ZNF512B: variants seen among roughly 807,000 people sequenced by gnomAD.
The protein encoded by ZNF512B is zinc finger protein 512B.
Under a neutral mutation model 87.8 loss-of-function variants are expected in ZNF512B, and 22 were observed. That is an observed-to-expected ratio of 0.25 (90% CI 0.18 to 0.36). The LOEUF (loss-of-function observed/expected upper bound fraction) is 0.36. Among genes scored for constraint, ZNF512B ranks in the 10% least tolerant of loss-of-function variants. The pLI, the probability that ZNF512B is intolerant of heterozygous loss-of-function variation, is 1.00. For synonymous variants in ZNF512B, 524 were observed against 490.9 expected (o/e 1.07, Z -0.89); for missense variants, 1,060 against 1,231.6 (o/e 0.86, Z 2.09).
intron 1 of ZNF512B, among the ~76,000 whole-genome samples, chr20:63,968,222 A>T (rs1330908403): frequency 6.6e-6 from 1 of 151,752 alleles, no homozygotes; most frequent in Non-Finnish European, 1.5e-5. Context: ...CAACTTCCAG[A>T]CCCCCTTCCC....
rs2058846932 is a variant in ZNF512B, at chr20:63,961,207, A to T, written c.2427+102T>A. ...TTGGCCACTCTCCCAGGCACACCCCATGCAGGCCACTGACCTCTCTACCCC... is the reference window on the plus strand; with the variant it reads ...TTGGCCACTCTCCCAGGCACACCCCTTGCAGGCCACTGACCTCTCTACCCC... On this transcript the variant is annotated intron_variant, in intron 16 of 16. Coordinates refer to ENST00000369888, the MANE Select transcript of ZNF512B (RefSeq NM_020713.3). This position sits in a 1 kb window ranked among gnomAD's most constrained non-coding sequence, Gnocchi z 6.4. 7 of 1,039,440 alleles carry T rather than the reference A, an allele frequency of 6.7e-6. No individual in the cohort carries two copies. In the Admixed American group the frequency reaches 9.7e-5, roughly 14 times the overall value. 64.4% of individuals were successfully genotyped at this position (1,039,440 alleles called of 1,614,324 possible).
intron 1 of ZNF512B, 23 bp from the exon 2 acceptor site, chr20:63,967,975 G>T: frequency 6.3e-7 from 1 of 1,589,424 alleles, no homozygotes. Flanking sequence ...TAGACAATCT[G>T]TGAAGCCTGA....
In ZNF512B at chr20:63,959,863, G is replaced by C. The variant is rs1319386333; in HGVS notation, c.*25C>G. 5 of 1,531,344 alleles carry C rather than the reference G, an allele frequency of 3.3e-6. No individual in the cohort carries two copies. The highest frequency in any genetic ancestry group is 4.4e-6 in the Non-Finnish European group (5 of 1,148,670). 94.9% of individuals were successfully genotyped at this position (1,531,344 alleles called of 1,614,324 possible). On this transcript the variant is annotated 3_prime_UTR_variant, in exon 17 of 17. Transcript: ENST00000369888. Reference sequence around the variant, plus strand: ...ACAGAGGGCGGTGTGGCGGCTGCATGGGGGCCAGGCCCCACGCACCATGCT... The same window carrying C: ...ACAGAGGGCGGTGTGGCGGCTGCATCGGGGCCAGGCCCCACGCACCATGCT...
chr20:63,963,208 C>G lies in ZNF512B; in HGVS notation c.1855G>C (p.Gly619Arg), dbSNP rs776124714. Residue 619 changes from glycine (G) to arginine (R), a missense_variant, in exon 12 of 17, where the codon GGG becomes CGG. Gly to Arg is a moderately radical substitution (Grantham distance 125). Around this residue, in one of 9 missense-constraint regions of ZNF512B, gnomAD observed 165 missense variants for 173.0 expected, o/e 0.95. Coordinates refer to ENST00000369888, the MANE Select transcript of ZNF512B (RefSeq NM_020713.3). ...MGYQYHQRRC[G>R]KPPCEVDSPS... ...CTGTCCACCTCGCAGGGCGGCTTCC[C>G]GCAGCGCCGCTGGTGGTACTGGTAG... 2.6e-6 allele frequency: 4 copies of G among 1,546,812 alleles called. No individual in the cohort carries two copies. In the South Asian group the frequency reaches 4.7e-5, roughly 18 times the overall value.
rs2058930305 is a variant in ZNF512B, at chr20:63,966,569, T to C, written c.606A>G (p.Lys202=). Residue 202 remains lysine, a synonymous_variant, in exon 5 of 17, where the codon AAA becomes AAG. Coordinates refer to ENST00000369888, the MANE Select transcript of ZNF512B (RefSeq NM_020713.3). ...IGVSKPVTIG[K]PVGVSKPIGI... ...CAATGGGTTTGCTGACACCCACAGG[T>C]TTGCCAATAGTGACAGGTTTGCTCA... The C allele has an allele frequency of 6.2e-7, 1 of 1,613,700 alleles. No homozygotes were observed. The highest frequency in any genetic ancestry group is 2.2e-5 in the East Asian group (1 of 44,876).
Position 63,959,782 on chromosome 20 carries a change from G to A in ZNF512B, c.*106C>T, listed in dbSNP as rs1238306931. The A allele has an allele frequency of 2.3e-5, 33 of 1,422,798 alleles. No homozygotes were observed. Among genetic ancestry groups the A allele is most frequent in the Admixed American group, 2.7e-5 (1 of 37,488 alleles). 88.1% of individuals were successfully genotyped at this position (1,422,798 alleles called of 1,614,324 possible). Reference sequence around the variant, plus strand: ...TGCCCCACTGGACGGATGAAGAGGCGGGGGTGGGGGATGGAGAACTGGAGG... The same window carrying A: ...TGCCCCACTGGACGGATGAAGAGGCAGGGGTGGGGGATGGAGAACTGGAGG... On this transcript the variant is annotated 3_prime_UTR_variant, in exon 17 of 17. Coordinates refer to ENST00000369888, the MANE Select transcript of ZNF512B (RefSeq NM_020713.3).
intron 16 of ZNF512B, 108 bp from the exon 17 acceptor site, chr20:63,960,247 C>T: frequency 6.7e-7 from 1 of 1,488,292 alleles, no homozygotes; most frequent in Non-Finnish European, 9.0e-7. Flanking sequence ...CAGGCAAGCA[C>T]CTGCAGCAGG....
chr20:63,967,774 C>T (rs1445447783), intron 2 of ZNF512B, 56 bp downstream of exon 2: 2 of 1,584,682 alleles, frequency 1.3e-6, no homozygotes, highest in Admixed American at 3.4e-5. Context: ...TGGTCCACTC[C>T]TACCACTTGC....
At chr20:63,969,434 G>T (rs2058958403) in intron 1 of ZNF512B, among the ~76,000 whole-genome samples, 1 of 151,598 alleles carries the variant, frequency 6.6e-6, no homozygotes, top group Non-Finnish European at 1.5e-5. Flanking sequence ...CGCGTAGGCC[G>T]TTCGGCCCGG....
intron 1 of ZNF512B, among the ~76,000 whole-genome samples, chr20:63,968,766 G>A (rs1439262834): frequency 6.6e-6 from 1 of 152,238 alleles, no homozygotes; most frequent in Non-Finnish European, 1.5e-5. Flanking sequence ...CAAACAAGTC[G>A]TGGAAGCACC....
At chr20:63,967,980 G>C in intron 1 of ZNF512B, 28 bp from the exon 2 acceptor site, 1 of 1,585,630 alleles carries the variant, frequency 6.3e-7, no homozygotes, top group Non-Finnish European at 8.6e-7. Context: ...AATCTGTGAA[G>C]CCTGACGGGC....
chr20:63,966,368 G>A lies in ZNF512B; in HGVS notation c.807C>T (p.Pro269=), dbSNP rs781066476. 32 of 1,588,932 alleles carry A rather than the reference G, an allele frequency of 2.0e-5. No individual in the cohort carries two copies. The highest frequency in any genetic ancestry group is 1.7e-4 in the Middle Eastern group (1 of 6,010). ...CCGTAATGGGTTTGGTGACAGGTAC[G>A]GGTTTGGTGACCGGCACAGACTTGG... ...TVTKSVPVTK[P]VPVTKPITVT... The change falls in exon 5 of 17, where the codon CCC becomes CCT. Residue 269 remains proline (P), a synonymous_variant. Transcript: ENST00000369888.
rs2058826659 is a variant in ZNF512B at position 63,959,477 on chromosome 20, C to G, written c.*411G>C. The G allele has an allele frequency of 9.7e-6, 2 of 207,044 alleles. No homozygotes were observed. Among genetic ancestry groups the G allele is most frequent in the Admixed American group, 5.6e-5 (1 of 17,912 alleles). 12.8% of individuals were successfully genotyped at this position (207,044 alleles called of 1,614,324 possible). A position where few individuals can be genotyped will look rare whatever the true frequency, so the allele number is the denominator to read the frequency against. On this transcript the variant is annotated 3_prime_UTR_variant, in exon 17 of 17. Transcript: ENST00000369888. ...AGGTTGCTCAGGTGCCCTCACCAGC[C>G]CAGAACCACAGGTCACCAGGGATGC...
At position 63,966,082 on chromosome 20, in the gene ZNF512B, C is replaced by T. The variant is rs1175410966; in HGVS notation, c.1034+59G>A. ...ACCACTGTTCCTCCCTGACCTGGGACGAGCCCCCATACCTTTTCTTACCAC... is the reference window on the plus strand; with the variant it reads ...ACCACTGTTCCTCCCTGACCTGGGATGAGCCCCCATACCTTTTCTTACCAC... On this transcript the variant is annotated intron_variant, in intron 5 of 16. Coordinates refer to ENST00000369888, the MANE Select transcript of ZNF512B (RefSeq NM_020713.3). The T allele has an allele frequency of 2.1e-5, 13 of 610,966 alleles. 1 individual carries two copies. The highest frequency in any genetic ancestry group is 5.2e-4 in the Middle Eastern group (1 of 1,928). The allele number at this position is 610,966 out of a possible 1,614,324, so 37.8% of individuals were successfully genotyped here.
intron 4 of ZNF512B, 27 bp downstream of exon 4, chr20:63,966,849 C>T: frequency 6.2e-7 from 1 of 1,613,296 alleles, no homozygotes; most frequent in South Asian, 1.1e-5. Context: ...CCCGAGGCCT[C>T]CTCTCCCCCG....
In ZNF512B at chr20:63,964,217, C is replaced by A. The variant is rs771192933; in HGVS notation, c.1334G>T (p.Gly445Val). ...PSISGTFGLK[G>V]LVKAEDKARV... ...GGCCTTGTCCTCAGCTTTGACCAGG[C>A]CTGTGTGCACACATGGGGTGGAGAG... Residue 445 changes from glycine (G) to valine (V), a missense_variant and splice_region_variant, in exon 8 of 17, where the codon GGC becomes GTC. Transcript: ENST00000369888. 1.9e-6 allele frequency: 3 copies of A among 1,604,834 alleles called. No individual in the cohort carries two copies. The highest frequency in any genetic ancestry group is 1.3e-5 in the African/African-American group (1 of 74,546).
intron 16 of ZNF512B, among the ~76,000 whole-genome samples, chr20:63,960,739 C>T (rs544046452): frequency 2.9e-4 from 38 of 130,578 alleles, no homozygotes; most frequent in African/African-American, 1.0e-3. Context: ...ACACAGCCTT[C>T]GGGACCAGGC....
intron 4 of ZNF512B, 35 bp from the exon 5 acceptor site, chr20:63,966,816 C>G (rs753276268): frequency 8.1e-6 from 13 of 1,607,870 alleles, no homozygotes; most frequent in Non-Finnish European, 1.1e-5. Context: ...GACAGGGCCC[C>G]AAGGGCCTCT....
At chr20:63,969,136 C>G in intron 1 of ZNF512B, 2 of 985,472 alleles carry the variant, frequency 2.0e-6, no homozygotes. Context: ...CACTTTGCAA[C>G]TTTTGAAAGG....
Sources: gnomAD v4.1 joint callset for allele counts (sites outside exome capture counted in the v4.1 genomes callset) on GRCh38, gnomAD v4.1.1 for gene constraint, gnomAD v4.1.1 regional missense constraint, Gnocchi (gnomAD v3.1) non-coding constraint, MANE v1.5 for transcripts, NCBI Gene and HGNC (gene_info 2026-07-23, HGNC 2026-07-21) for gene names.